Variants in NFX1 observed in about 807,000 individuals in gnomAD.
NFX1 encodes nuclear transcription factor, X-box binding 1, also known as transcriptional repressor NF-X1.
In NFX1, 69 loss-of-function variants were observed where a neutral mutation model predicts 137.2. That is an observed-to-expected ratio of 0.50 (90% CI 0.41 to 0.61). NFX1 has a LOEUF of 0.61. Ranked by LOEUF, NFX1 falls within the 20% of genes least tolerant of loss-of-function variation. The pLI is 0.00. For synonymous variants in NFX1, 495 were observed against 474.1 expected (o/e 1.04, Z -0.57); for missense variants, 1,167 against 1,391.0 (o/e 0.84, Z 2.56).
At chr9:33,297,573 C>G (rs1821402498) in intron 2 of NFX1, among the ~76,000 whole-genome samples, 1 of 152,166 alleles carries the variant, frequency 6.6e-6, no homozygotes, top group Non-Finnish European at 1.5e-5. Context: ...CCAAATTTGG[C>G]TAGGCATGTG....
intron 9 of NFX1, among the ~76,000 whole-genome samples, chr9:33,326,769 T>G (rs1198086543): frequency 6.6e-6 from 1 of 152,216 alleles, no homozygotes; most frequent in East Asian, 1.9e-4. Flanking sequence ...TTTTTCAGCT[T>G]CTTTAATAGA....
intron 11 of NFX1, 134 bp downstream of exon 11, chr9:33,332,636 C>T (rs1822849343): frequency 1.8e-6 from 1 of 562,812 alleles, no homozygotes; most frequent in South Asian, 3.0e-5. Flanking sequence ...TAACTTTCAC[C>T]TCAAAAGGAA....
intron 12 of NFX1, among the ~76,000 whole-genome samples, chr9:33,341,027 A>G (rs778403045): frequency 1.3e-5 from 2 of 152,084 alleles, no homozygotes; most frequent in Non-Finnish European, 1.5e-5. Context: ...TCTGCCTGTT[A>G]CCCAGTTCCA....
intron 10 of NFX1, among the ~76,000 whole-genome samples, chr9:33,332,180 C>G (rs923043189): frequency 1.3e-5 from 2 of 152,120 alleles, no homozygotes; most frequent in Non-Finnish European, 2.9e-5. Context: ...AGCCCTCTTT[C>G]TATTTAGATT....
intron 19 of NFX1, among the ~76,000 whole-genome samples, chr9:33,358,469 G>A (rs1330590116): frequency 6.6e-6 from 1 of 151,636 alleles, no homozygotes; most frequent in East Asian, 1.9e-4. Flanking sequence ...AATGTGACAA[G>A]TGTTTTGTTT....
intron 19 of NFX1, among the ~76,000 whole-genome samples, chr9:33,357,086 C>G (rs1823836057): frequency 6.6e-6 from 1 of 150,512 alleles, no homozygotes; most frequent in African/African-American, 2.4e-5. Flanking sequence ...TTGAGGTGGG[C>G]AGATCACAAG....
At chr9:33,342,393 C>T (rs751537368) in intron 12 of NFX1, among the ~76,000 whole-genome samples, 10 of 150,852 alleles carry the variant, frequency 6.6e-5, no homozygotes, top group East Asian at 2.0e-4. Flanking sequence ...ACCTGGGAGG[C>T]GGAACTTGCA....
chr9:33,332,901 A>G (rs1484172998), intron 11 of NFX1, among the ~76,000 whole-genome samples: 1 of 152,206 alleles, frequency 6.6e-6, no homozygotes, highest in East Asian at 1.9e-4. Context: ...GCCAGAGTGC[A>G]GTGGCGCGAT....
chr9:33,357,127 C>A (rs1298336511), intron 19 of NFX1, among the ~76,000 whole-genome samples: 1 of 151,582 alleles, frequency 6.6e-6, no homozygotes, highest in East Asian at 1.9e-4. Flanking sequence ...CTGGTAAAAC[C>A]CCATCTCTAC....
intron 3 of NFX1, 39 bp downstream of exon 3, chr9:33,301,460 A>T (rs560205477): frequency 6.3e-7 from 1 of 1,594,820 alleles, no homozygotes; most frequent in Non-Finnish European, 8.5e-7. Flanking sequence ...ATTCTCCCCT[A>T]TTTGATACGT....
intron 16 of NFX1, 69 bp from the exon 17 acceptor site, chr9:33,352,577 A>G: frequency 7.6e-7 from 1 of 1,316,460 alleles, no homozygotes; most frequent in East Asian, 2.3e-5. Flanking sequence ...AGAGGATTTA[A>G]GAGTGAAAAG....
chr9:33,347,333 A>G (rs1302569838), intron 15 of NFX1, among the ~76,000 whole-genome samples: 4 of 152,202 alleles, frequency 2.6e-5, no homozygotes. Flanking sequence ...CATACATACC[A>G]TCAAACCACT....
chr9:33,355,781 A>G (rs577131883), intron 19 of NFX1, among the ~76,000 whole-genome samples: 1 of 151,442 alleles, frequency 6.6e-6, no homozygotes, highest in East Asian at 1.9e-4. Flanking sequence ...AGTAGTTGGC[A>G]TTACAGGTGT....
intron 19 of NFX1, 31 bp from the exon 20 acceptor site, chr9:33,363,978 CT>C: frequency 6.7e-7 from 1 of 1,482,584 alleles, no homozygotes; most frequent in South Asian, 1.3e-5. Context: ...CCTCCCACTC[CT>C]TTTATTTGCA....
chr9:33,339,268 C>T (rs577371362), intron 12 of NFX1, among the ~76,000 whole-genome samples: 10 of 152,128 alleles, frequency 6.6e-5, no homozygotes, highest in Non-Finnish European at 1.5e-4. Context: ...AGTTCCAAGT[C>T]GGTGGGGAGG....
intron 6 of NFX1, among the ~76,000 whole-genome samples, chr9:33,311,850 C>T (rs1035380570): frequency 3.9e-5 from 6 of 152,160 alleles, no homozygotes; most frequent in South Asian, 2.1e-4. Flanking sequence ...CGCGCTCGGT[C>T]GGCAAGGATT....
chr9:33,367,099 C>T (rs1230377176), intron 22 of NFX1, among the ~76,000 whole-genome samples: 1 of 152,216 alleles, frequency 6.6e-6, no homozygotes, highest in African/African-American at 2.4e-5. Context: ...TCTCCTGTTC[C>T]TCTGTCTGTC....
chr9:33,290,711 G>A, intron 1 of NFX1, 114 bp downstream of exon 1: 1 of 1,037,540 alleles, frequency 9.6e-7, no homozygotes, highest in Admixed American at 2.6e-5. Context: ...ATGCTAGGGC[G>A]TAGGATAGTG....
intron 2 of NFX1, among the ~76,000 whole-genome samples, chr9:33,298,459 G>A (rs1821437458): frequency 6.6e-6 from 1 of 152,188 alleles, no homozygotes; most frequent in South Asian, 2.1e-4. Flanking sequence ...TGGGAAGAGG[G>A]ATGTCATGAA....
Sources: gnomAD v4.1 joint callset for allele counts (sites outside exome capture counted in the v4.1 genomes callset) on GRCh38, gnomAD v4.1.1 for gene constraint, MANE v1.5 for transcripts, NCBI Gene and HGNC (gene_info 2026-07-23, HGNC 2026-07-21) for gene names.